Variants in FOXP1 observed in about 807,000 individuals in gnomAD.
The protein encoded by FOXP1 is forkhead box protein P1.
Under a neutral mutation model 98.2 loss-of-function variants are expected in FOXP1, and 15 were observed. The ratio of observed to expected loss-of-function variants is 0.15; its 90% CI spans 0.10 to 0.24. The LOEUF (loss-of-function observed/expected upper bound fraction) is 0.24, where lower values mean the gene tolerates loss of function less well. Ranked by LOEUF, FOXP1 falls within the 10% of genes least tolerant of loss-of-function variation. The pLI is 1.00. For missense variants in FOXP1, 633 were observed against 848.5 expected (o/e 0.75, Z 3.15); for synonymous variants, 371 against 314.5 (o/e 1.18, Z -1.90).
At chr3:71,306,648 A>C (rs1286308080) in intron 4 of FOXP1, among the ~76,000 whole-genome samples, 1 of 150,656 alleles carries the variant, frequency 6.6e-6, no homozygotes, top group East Asian at 1.9e-4. Flanking sequence ...AAAAAAAAAA[A>C]AAAAAAAACG....
At chr3:71,382,571 T>G (rs2080262257) in intron 3 of FOXP1, among the ~76,000 whole-genome samples, 1 of 152,204 alleles carries the variant, frequency 6.6e-6, no homozygotes, top group African/African-American at 2.4e-5. Context: ...ATATTCCCTT[T>G]TCCACTCTCC....
intron 6 of FOXP1, among the ~76,000 whole-genome samples, chr3:71,130,146 G>GA (rs2059478635): frequency 2.0e-5 from 3 of 152,164 alleles, no homozygotes; most frequent in South Asian, 2.1e-4. Context: ...ATAACAGGAA[G>GA]AAAAAGAAGG....
intron 4 of FOXP1, among the ~76,000 whole-genome samples, chr3:71,348,202 G>A (rs1379742700): frequency 6.6e-6 from 1 of 152,118 alleles, no homozygotes; most frequent in Non-Finnish European, 1.5e-5. Flanking sequence ...ATCACAGAAA[G>A]TGAAACCATG....
intron 2 of FOXP1, among the ~76,000 whole-genome samples, chr3:71,525,670 G>A (rs2043319038): frequency 6.6e-6 from 1 of 152,010 alleles, no homozygotes; most frequent in Non-Finnish European, 1.5e-5. Context: ...ATCTTGCTGA[G>A]GCCTTTATAT....
intron 5 of FOXP1, among the ~76,000 whole-genome samples, chr3:71,217,025 T>C (rs975101151): frequency 3.9e-5 from 6 of 152,194 alleles, no homozygotes; most frequent in Admixed American, 3.9e-4. Context: ...CAGAGAACAC[T>C]TCTAAAAGAA....
chr3:71,117,375 C>T (rs1211341952), intron 6 of FOXP1, among the ~76,000 whole-genome samples: 1 of 152,340 alleles, frequency 6.6e-6, no homozygotes, highest in East Asian at 1.9e-4. Flanking sequence ...GTGTGAGCCA[C>T]TGTGGCAGGC....
intron 5 of FOXP1, among the ~76,000 whole-genome samples, chr3:71,293,424 A>G (rs1179992285): frequency 6.6e-6 from 1 of 151,886 alleles, no homozygotes; most frequent in Non-Finnish European, 1.5e-5. Flanking sequence ...CTCTGATCAC[A>G]CCTATGAACA....
At chr3:71,212,949 AATAT>A (rs3033230) in intron 5 of FOXP1, among the ~76,000 whole-genome samples, 35,573 of 147,586 alleles carry the variant, frequency 0.24, 4,685 homozygotes, top group East Asian at 0.35. Context: ...ACAAAATGGG[AATAT>A]ATATATATAT....
chr3:71,474,360 T>C (rs1378694342), intron 3 of FOXP1, among the ~76,000 whole-genome samples: 1 of 152,212 alleles, frequency 6.6e-6, no homozygotes, highest in Non-Finnish European at 1.5e-5. Flanking sequence ...AAATTATGAC[T>C]GTCACCTGGG....
In FOXP1 at chr3:71,232,877, CAAA is replaced by C. The variant is rs59404230; in HGVS notation, c.-11-34488_-11-34486del. ...CGTGCCACAGAGCAAAACTCTGTCT[CAAA>C]AAAAAAAAAAAAAAAAGCAAGAAAA... On this transcript the variant is annotated intron_variant, in intron 5 of 20. Coordinates refer to ENST00000649528, the MANE Select transcript of FOXP1 (RefSeq NM_001349338.3). Among the ~76,000 whole-genome samples, 23 of 31,418 alleles carry C rather than the reference CAAA, an allele frequency of 7.3e-4. 1 individual carries two copies. Among genetic ancestry groups the C allele is most frequent in the East Asian group, 5.3e-3 (4 of 748 alleles). 20.6% of individuals were successfully genotyped at this position (31,418 alleles called of 152,430 possible).
intron 12 of FOXP1, among the ~76,000 whole-genome samples, chr3:71,010,360 T>G (rs552808657): frequency 1.3e-5 from 2 of 152,276 alleles, no homozygotes; most frequent in South Asian, 2.1e-4. Flanking sequence ...TGACCTTGGG[T>G]AAATCATTTA....
At chr3:70,990,957 A>AACTCTG (rs1391162515) in intron 13 of FOXP1, among the ~76,000 whole-genome samples, 1 of 152,148 alleles carries the variant, frequency 6.6e-6, no homozygotes, top group Non-Finnish European at 1.5e-5. Context: ...ATCATCTCTG[A>AACTCTG]ACTCTGAAGG....
At chr3:71,147,192 T>C (rs2108038575) in intron 6 of FOXP1, among the ~76,000 whole-genome samples, 1 of 152,362 alleles carries the variant, frequency 6.6e-6, no homozygotes, top group East Asian at 1.9e-4. Context: ...TTTGCTTCCC[T>C]TCTTGCCCCC....
chr3:71,504,376 C>G (rs1560577102), intron 2 of FOXP1, among the ~76,000 whole-genome samples: 1 of 152,166 alleles, frequency 6.6e-6, no homozygotes, highest in Non-Finnish European at 1.5e-5. Flanking sequence ...GTTGTCTGAG[C>G]AGACAGGTGA....
intron 9 of FOXP1, among the ~76,000 whole-genome samples, chr3:71,048,331 G>C (rs2107010744): frequency 6.6e-6 from 1 of 152,226 alleles, no homozygotes; most frequent in South Asian, 2.1e-4. Flanking sequence ...ACCTTGATCT[G>C]ATACATCCAT....
At position 71,314,530 on chromosome 3, in the gene FOXP1, A is replaced by ATATATATATAT. The variant is rs1553839965; in HGVS notation, c.-72-14651_-72-14650insATATATATATA. On this transcript the variant is annotated intron_variant, in intron 4 of 20. Coordinates refer to ENST00000649528, the MANE Select transcript of FOXP1 (RefSeq NM_001349338.3). The stretch of plus-strand genomic sequence containing the variant: ...TGACAGAGTAAGACTCCGTCTAAAA[A>ATATATATATAT]ATATATATATATATATATATATCTG... Among the ~76,000 whole-genome samples, 189 of 143,374 alleles carry ATATATATATAT rather than the reference A, an allele frequency of 1.3e-3. 1 individual carries two copies. Among genetic ancestry groups the ATATATATATAT allele is most frequent in the Middle Eastern group, 7.2e-3 (2 of 276 alleles). 94.1% of individuals were successfully genotyped at this position (143,374 alleles called of 152,430 possible). A position where few individuals can be genotyped will look rare whatever the true frequency, so the allele number is the denominator to read the frequency against.
chr3:71,376,876 T>C (rs374435056), intron 3 of FOXP1, among the ~76,000 whole-genome samples: 16 of 152,284 alleles, frequency 1.1e-4, no homozygotes, highest in African/African-American at 3.4e-4. Context: ...GGTGAGGGTA[T>C]ACAAAGAAGC....
intron 11 of FOXP1, among the ~76,000 whole-genome samples, chr3:71,019,489 G>A (rs1180652299): frequency 6.6e-6 from 1 of 152,100 alleles, no homozygotes; most frequent in East Asian, 1.9e-4. Context: ...TATTCCTAGG[G>A]GCAGGGATCA....
chr3:70,982,301 A>C (rs1345021322), intron 14 of FOXP1, among the ~76,000 whole-genome samples: 1 of 152,228 alleles, frequency 6.6e-6, no homozygotes, highest in Admixed American at 6.5e-5. Context: ...ATTAGAAATG[A>C]AAGCATATGT....
Sources: gnomAD v4.1 joint callset for allele counts (sites outside exome capture counted in the v4.1 genomes callset) on GRCh38, gnomAD v4.1.1 for gene constraint, MANE v1.5 for transcripts, NCBI Gene and HGNC (gene_info 2026-07-23, HGNC 2026-07-21) for gene names.